The following TBC1D1 variants were observed in gnomAD, a reference collection of about 807,000 sequenced individuals.
The protein encoded by TBC1D1 is TBC1 (tre-2/USP6, BUB2, cdc16) domain family, member 1.
In TBC1D1, 89 loss-of-function variants were observed where a neutral mutation model predicts 125.6. That is an observed-to-expected ratio of 0.71 (90% CI 0.60 to 0.85). The LOEUF is 0.85. TBC1D1 is among the 40% of genes least tolerant of loss of function. The probability of loss-of-function intolerance (pLI) is 0.00; values close to 1 mark genes in which losing one functional copy is unlikely to be tolerated. For synonymous variants in TBC1D1, 565 were observed against 564.1 expected, an observed-to-expected ratio of 1.00 and a Z score of -0.02; for missense variants, 1,377 against 1,469.2, an observed-to-expected ratio of 0.94 and a Z score of 1.03.
chr4:38,007,010 T>C, intron 2 of TBC1D1: 1 of 412,690 alleles, frequency 2.4e-6, no homozygotes, highest in South Asian at 2.1e-5. Flanking sequence ...GTGTCACCAT[T>C]TTCATAGACT....
chr4:37,927,140 A>G (rs1056315642), intron 2 of TBC1D1, among the ~76,000 whole-genome samples: 1 of 151,372 alleles, frequency 6.6e-6, no homozygotes, highest in Non-Finnish European at 1.5e-5. Flanking sequence ...GGAAAAAAAA[A>G]GAAATATTAC....
At chr4:37,988,935 CAG>C (rs1193155438) in intron 2 of TBC1D1, among the ~76,000 whole-genome samples, 2 of 152,202 alleles carry the variant, frequency 1.3e-5, no homozygotes, top group East Asian at 3.8e-4. Context: ...ACTGCCAAAA[CAG>C]ATCTCAAATT....
intron 2 of TBC1D1, among the ~76,000 whole-genome samples, chr4:37,937,337 G>T (rs571340204): frequency 1.3e-5 from 2 of 152,268 alleles, no homozygotes; most frequent in Non-Finnish European, 2.9e-5. Context: ...CTAAGAAGAC[G>T]GTCGTTCAAT....
chr4:38,021,729 G>T lies in TBC1D1; in HGVS notation c.1210+11G>T. 1.9e-6 allele frequency: 3 copies of T among 1,538,574 alleles called. No homozygotes were observed. The highest frequency in any genetic ancestry group is 2.6e-6 in the Non-Finnish European group (3 of 1,144,146). On this transcript the variant is annotated intron_variant, in intron 6 of 19. Coordinates refer to ENST00000261439, the MANE Select transcript of TBC1D1 (RefSeq NM_015173.4). ...GTGAGAGGATAGAGGGTGAGTAGGG[G>T]ACCCTTTCCAGCATGAACACAGTGG...
intron 10 of TBC1D1, among the ~76,000 whole-genome samples, chr4:38,048,610 A>C (rs1749911484): frequency 1.1e-5 from 1 of 89,108 alleles, no homozygotes; most frequent in Non-Finnish European, 2.1e-5. Flanking sequence ...TGTGTAAATG[A>C]ACAGGTAGAA....
intron 12 of TBC1D1, among the ~76,000 whole-genome samples, chr4:38,068,278 G>A (rs1189297670): frequency 6.6e-6 from 1 of 152,152 alleles, no homozygotes; most frequent in Non-Finnish European, 1.5e-5. Context: ...AGCCACCAGA[G>A]GCAGGAAGGT....
chr4:38,106,960 C>T (rs1275074530), intron 15 of TBC1D1, among the ~76,000 whole-genome samples: 1 of 151,464 alleles, frequency 6.6e-6, no homozygotes, highest in East Asian at 2.0e-4. Context: ...CCCTGCCTCT[C>T]CCCACCCTCT....
chr4:38,008,170 A>G (rs184861770), intron 2 of TBC1D1, among the ~76,000 whole-genome samples: 17 of 152,354 alleles, frequency 1.1e-4, no homozygotes, highest in Admixed American at 5.2e-4. Context: ...CATGAAGTCT[A>G]TCTATATTTA....
intron 17 of TBC1D1, among the ~76,000 whole-genome samples, chr4:38,124,396 C>T (rs1764321999): frequency 6.6e-6 from 1 of 152,226 alleles, no homozygotes; most frequent in African/African-American, 2.4e-5. Context: ...GTAACCTTGA[C>T]AGAGTTCTTG....
chr4:37,916,725 G>A (rs1441202270), intron 2 of TBC1D1, among the ~76,000 whole-genome samples: 1 of 152,000 alleles, frequency 6.6e-6, no homozygotes, highest in African/African-American at 2.4e-5. Flanking sequence ...AACAACGGGA[G>A]GGCTGATGTT....
intron 2 of TBC1D1, among the ~76,000 whole-genome samples, chr4:38,011,227 C>T (rs1741413525): frequency 6.6e-6 from 1 of 151,832 alleles, no homozygotes; most frequent in Non-Finnish European, 1.5e-5. Flanking sequence ...GTGGTGCATG[C>T]CTGTAATCCT....
At chr4:37,971,971 T>C (rs2152346285) in intron 2 of TBC1D1, among the ~76,000 whole-genome samples, 1 of 152,292 alleles carries the variant, frequency 6.6e-6, no homozygotes, top group East Asian at 1.9e-4. Context: ...ATGACCTGCT[T>C]GCTCTTTGAG....
chr4:38,118,447 C>T (rs1763335190), intron 17 of TBC1D1: 1 of 459,372 alleles, frequency 2.2e-6, no homozygotes, highest in Admixed American at 3.8e-5. Flanking sequence ...TCCGATCGCT[C>T]ACCATGAGGG....
intron 2 of TBC1D1, among the ~76,000 whole-genome samples, chr4:37,913,188 G>T (rs915754297): frequency 1.3e-5 from 2 of 152,162 alleles, no homozygotes; most frequent in Non-Finnish European, 2.9e-5. Context: ...GGAAGAGAAA[G>T]TCAGACAGAT....
chr4:38,079,869 G>A (rs552437579), intron 12 of TBC1D1, among the ~76,000 whole-genome samples: 14 of 152,254 alleles, frequency 9.2e-5, no homozygotes, highest in African/African-American at 2.2e-4. Context: ...GTCACATAAC[G>A]TGAAATATCC....
chr4:37,897,296 A>C (rs910477176), intron 1 of TBC1D1, among the ~76,000 whole-genome samples: 1 of 152,206 alleles, frequency 6.6e-6, no homozygotes, highest in Non-Finnish European at 1.5e-5. Context: ...TATTATTTGC[A>C]TAGTTTATCT....
chr4:38,134,810 A>T (rs1195371769), intron 19 of TBC1D1, among the ~76,000 whole-genome samples: 2 of 152,246 alleles, frequency 1.3e-5, no homozygotes, highest in African/African-American at 4.8e-5. Context: ...AAGGCATCAG[A>T]CAGTAATTGG....
intron 11 of TBC1D1, 63 bp from the exon 12 acceptor site, chr4:38,051,836 C>T (rs1369974284): frequency 7.3e-6 from 11 of 1,497,752 alleles, no homozygotes; most frequent in Non-Finnish European, 8.1e-6. Flanking sequence ...CTGTTTGCTC[C>T]GTGTCCCTGT....
chr4:38,109,322 A>G (rs1035597135), intron 15 of TBC1D1, among the ~76,000 whole-genome samples: 1 of 152,196 alleles, frequency 6.6e-6, no homozygotes, highest in Non-Finnish European at 1.5e-5. Context: ...GTGGGATCAT[A>G]TTTATTTGGT....
Sources: allele counts gnomAD v4.1 joint callset (sites outside exome capture counted in the v4.1 genomes callset), GRCh38; gene constraint gnomAD v4.1.1; transcripts MANE v1.5; gene names NCBI Gene and HGNC (gene_info 2026-07-23, HGNC 2026-07-21).